The following OTOP3 variants were observed in gnomAD, a reference collection of about 807,000 sequenced individuals.
OTOP3 encodes the protein proton channel OTOP3.
A neutral mutation model predicts 50.8 loss-of-function variants in OTOP3; 41 were observed. The observed-to-expected ratio is 0.81, with a 90% CI of 0.63 to 1.05. The LOEUF (loss-of-function observed/expected upper bound fraction) is 1.05. Among genes scored for constraint, OTOP3 ranks in the 50% least tolerant of loss-of-function variants. The pLI, the probability that OTOP3 is intolerant of heterozygous loss-of-function variation, is 0.00. For synonymous variants in OTOP3, 320 were observed against 324.4 expected (o/e 0.99, Z 0.14); for missense variants, 788 against 760.8 (o/e 1.04, Z -0.42).
intron 1 of OTOP3, among the ~76,000 whole-genome samples, chr17:74,938,508 C>T (rs1453827201): frequency 1.3e-5 from 2 of 152,038 alleles, no homozygotes; most frequent in African/African-American, 2.4e-5. Context: ...AAGGGGTAGG[C>T]ATTAAAGGCA....
upstream of OTOP3, chr17:74,935,807 C>T (rs756581039): frequency 4.0e-6 from 6 of 1,513,690 alleles, no homozygotes; most frequent in Non-Finnish European, 5.3e-6. Flanking sequence ...AATCGATGGG[C>T]CGCGGAGCCC....
chr17:74,948,260 A>T (rs1355124686), intron 6 of OTOP3, among the ~76,000 whole-genome samples: 3 of 152,186 alleles, frequency 2.0e-5, no homozygotes, highest in Non-Finnish European at 4.4e-5. Context: ...ACAGTGGCTC[A>T]CACCTGTAAT....
chr17:74,935,804 G>A, upstream of OTOP3: 1 of 1,513,320 alleles, frequency 6.6e-7, no homozygotes. Context: ...AAAAATCGAT[G>A]GGCCGCGGAG....
Position 74,936,954 on chromosome 17 carries a change from C to A in OTOP3, c.19+1014C>A, listed in dbSNP as rs1386654476. 9.5e-5 allele frequency among the ~76,000 whole-genome samples: 9 copies of A among 95,016 alleles called. 1 individual carries two copies. The South Asian group carries it at 2.8e-3, about 30-fold the overall frequency. 62.3% of individuals were successfully genotyped at this position (95,016 alleles called of 152,430 possible). ...AGCCCCTATTCGGCATTCATCACCCCCCCACCCTTTTTTTTTTTTTTTTTT... is the reference window on the plus strand; with the variant it reads ...AGCCCCTATTCGGCATTCATCACCCACCCACCCTTTTTTTTTTTTTTTTTT... On this transcript the variant is annotated intron_variant, in intron 1 of 6. Transcript: ENST00000328801.
At chr17:74,943,759 A>AC in intron 5 of OTOP3, 35 bp downstream of exon 5, 2 of 981,726 alleles carry the variant, frequency 2.0e-6, no homozygotes, top group Non-Finnish European at 3.1e-6. Flanking sequence ...CTTGCCCTGA[A>AC]ACACACACAC....
intron 5 of OTOP3, 22 bp downstream of exon 5, chr17:74,943,746 T>G: frequency 6.6e-7 from 1 of 1,505,864 alleles, no homozygotes; most frequent in Non-Finnish European, 9.1e-7. Flanking sequence ...AGACCAGGTC[T>G]TCCTTGCCCT....
rs114674634 is a variant in OTOP3 at position 74,939,812 on chromosome 17, G to A, written c.20-1581G>A. 9.0e-3 allele frequency among the ~76,000 whole-genome samples: 1,368 copies of A among 152,282 alleles called. 19 individuals are homozygous for A. The highest frequency in any genetic ancestry group is 0.031 in the African/African-American group (1,287 of 41,538). On this transcript the variant is annotated intron_variant, in intron 1 of 6. Transcript: ENST00000328801. Reference sequence around the variant, plus strand: ...CCTTCAAAGTCAAGGGCGTGGCAGCGATGCTGATCCAGGCCTGTCCCATGC... The same window carrying A: ...CCTTCAAAGTCAAGGGCGTGGCAGCAATGCTGATCCAGGCCTGTCCCATGC...
At chr17:74,949,210 G>A (rs1167868722) in intron 6 of OTOP3, 36 bp from the exon 7 acceptor site, 1 of 1,604,598 alleles carries the variant, frequency 6.2e-7, no homozygotes, top group East Asian at 2.2e-5. Context: ...GGGCACAGGA[G>A]AGCCCTTCCC....
intron 1 of OTOP3, among the ~76,000 whole-genome samples, chr17:74,937,310 A>G (rs1183538169): frequency 1.3e-5 from 2 of 152,164 alleles, no homozygotes; most frequent in Non-Finnish European, 2.9e-5. Context: ...ACCAGCTACT[A>G]TTCCATAGTT....
rs770580493 is a variant in OTOP3 at position 74,943,590 on chromosome 17, G to A, written c.633-16G>A. ...GCCGGCCAGGGTGTGTGAGAAGAGTGTGGCATTTCCCCCAGGTGTGGCCTG... is the reference window on the plus strand; with the variant it reads ...GCCGGCCAGGGTGTGTGAGAAGAGTATGGCATTTCCCCCAGGTGTGGCCTG... On this transcript the variant is annotated splice_polypyrimidine_tract_variant and intron_variant, in intron 4 of 6. Coordinates refer to ENST00000328801, the MANE Select transcript of OTOP3 (RefSeq NM_001272005.2). 2 of 1,611,820 alleles carry A rather than the reference G, an allele frequency of 1.2e-6. No individual in the cohort carries two copies. Among genetic ancestry groups the A allele is most frequent in the Non-Finnish European group, 1.7e-6 (2 of 1,178,186 alleles).
chr17:74,939,244 T>G (rs2039147907), intron 1 of OTOP3, among the ~76,000 whole-genome samples: 1 of 151,976 alleles, frequency 6.6e-6, no homozygotes, highest in South Asian at 2.1e-4. Flanking sequence ...CCTAAGAGAA[T>G]GCAAGGGATG....
chr17:74,946,533 G>C, intron 5 of OTOP3, 128 bp from the exon 6 acceptor site: 1 of 754,814 alleles, frequency 1.3e-6, no homozygotes, highest in Non-Finnish European at 2.1e-6. Context: ...TTCCACATTG[G>C]TAAAATGAGC....
chr17:74,938,689 A>G (rs546688278), intron 1 of OTOP3, among the ~76,000 whole-genome samples: 1 of 152,222 alleles, frequency 6.6e-6, no homozygotes, highest in Non-Finnish European at 1.5e-5. Flanking sequence ...AACCTTGTCC[A>G]GGCCCATACT....
intron 1 of OTOP3, 72 bp from the exon 2 acceptor site, chr17:74,941,321 C>A (rs546195438): frequency 1.4e-6 from 2 of 1,415,378 alleles, no homozygotes; most frequent in Non-Finnish European, 1.9e-6. Flanking sequence ...GGTCACACAG[C>A]GGTTAGGGGC....
chr17:74,935,870 A>C, upstream of OTOP3: 3 of 1,547,574 alleles, frequency 1.9e-6, no homozygotes, highest in Non-Finnish European at 1.7e-6. Flanking sequence ...CATCGGTCTC[A>C]CCTGGACGGA....
Position 74,946,668 on chromosome 17 carries a change from G to T in OTOP3, c.759G>T (p.Glu253Asp), listed in dbSNP as rs776391088. ...ACCCTGCCTCCCTCCCAGGCAATGA[G>T]ACCAACACCTGTCTGTGCCTCAATG... ...GILMEKSTGN[E>D]TNTCLCLNAT... is the part of the protein sequence containing the mutation. The change falls in exon 6 of 7, where the codon GAG becomes GAT. Residue 253 changes from glutamate (E) to aspartate (D), a missense_variant. By Grantham distance (45) the Glu-to-Asp change is conservative. Transcript: ENST00000328801. The T allele has an allele frequency of 1.2e-6, 2 of 1,605,896 alleles. No individual in the cohort carries two copies. Among genetic ancestry groups the T allele is most frequent in the Admixed American group, 1.7e-5 (1 of 59,862 alleles).
At position 74,941,924 on chromosome 17, in the gene OTOP3, T is replaced by A; in HGVS notation, c.460T>A (p.Cys154Ser). 1 of 1,611,082 alleles carries A rather than the reference T, an allele frequency of 6.2e-7. No individual in the cohort carries two copies. Among genetic ancestry groups the A allele is most frequent in the South Asian group, 1.1e-5 (1 of 90,880 alleles). ...AGGTTCCCTAGTGCTCTTCGGCAGC[T>A]GCACCTTCTGCCTCAACATCTTCCG... ...VRGSLVLFGSCTFCLNIFRVG... is the reference protein window; with the variant it reads ...VRGSLVLFGSSTFCLNIFRVG... Residue 154 changes from cysteine to serine, a missense_variant, in exon 3 of 7, where the codon TGC (cysteine) becomes AGC (serine). Coordinates refer to ENST00000328801, the MANE Select transcript of OTOP3 (RefSeq NM_001272005.2).
At position 74,949,276 on chromosome 17, in the gene OTOP3, C is replaced by G. The variant is rs751028870; in HGVS notation, c.1597C>G (p.Pro533Ala). The change falls in exon 7 of 7, where the codon CCG becomes GCG. Residue 533 changes from proline (P) to alanine (A), a missense_variant. Pro to Ala is a conservative substitution (Grantham distance 27, BLOSUM62 -1). Transcript: ENST00000328801. ...LWMMPAFGIH[P>A]EFENGLEKDF... ...GATGATGCCTGCATTTGGCATACAC[C>G]CGGAGTTTGAGAACGGGCTAGAAAA... The G allele has an allele frequency of 2.5e-6, 4 of 1,614,048 alleles. No homozygotes were observed. The East Asian group carries it at 8.9e-5, about 36-fold the overall frequency.
intron 3 of OTOP3, among the ~76,000 whole-genome samples, chr17:74,942,373 G>A (rs2039186513): frequency 6.6e-6 from 1 of 152,232 alleles, no homozygotes; most frequent in South Asian, 2.1e-4. Flanking sequence ...GCTCACGCCT[G>A]TAATCCCAGC....
Sources: gnomAD v4.1 joint callset for allele counts (sites outside exome capture counted in the v4.1 genomes callset) on GRCh38, gnomAD v4.1.1 for gene constraint, MANE v1.5 for transcripts, NCBI Gene and HGNC (gene_info 2026-07-23, HGNC 2026-07-21) for gene names.